PTCHD4: variants seen among roughly 807,000 people sequenced by gnomAD.
PTCHD4 encodes patched domain-containing protein 4.
PTCHD4 carries 33 observed loss-of-function variants against 58.1 expected under a neutral mutation model. That is an observed-to-expected ratio of 0.57 (90% confidence interval 0.43 to 0.76). The LOEUF is 0.76. Ranked by LOEUF, PTCHD4 falls within the 30% of genes least tolerant of loss-of-function variation. The pLI is 0.00. For synonymous variants in PTCHD4, 478 were observed against 409.6 expected (o/e 1.17, Z -2.02); for missense variants, 1,058 against 1,027.1 (o/e 1.03, Z -0.41).
chr6:47,966,316 T>C (rs1168828867), intron 4 of PTCHD4, among the ~76,000 whole-genome samples: 16 of 152,024 alleles, frequency 1.1e-4, no homozygotes, highest in Admixed American at 1.0e-3. Flanking sequence ...AAGTATGCAA[T>C]AGCATTATGT....
chr6:48,075,439 GTTT>G (rs748270040), intron 1 of PTCHD4, among the ~76,000 whole-genome samples: 2 of 136,762 alleles, frequency 1.5e-5, no homozygotes, highest in Non-Finnish European at 1.6e-5. Context: ...AGTTTTGTGG[GTTT>G]TTTTTTTTTT....
chr6:48,103,912 A>C (rs200979524), intron 1 of PTCHD4, among the ~76,000 whole-genome samples: 3 of 152,208 alleles, frequency 2.0e-5, no homozygotes, highest in African/African-American at 7.2e-5. Flanking sequence ...AAAAGAATAA[A>C]AAGAAACAAA....
At chr6:48,072,197 G>A (rs941083667) in intron 1 of PTCHD4, among the ~76,000 whole-genome samples, 9 of 152,050 alleles carry the variant, frequency 5.9e-5, no homozygotes, top group African/African-American at 1.9e-4. Context: ...GTTGGAGTCC[G>A]TAATTTGCAA....
intron 4 of PTCHD4, among the ~76,000 whole-genome samples, chr6:47,881,426 T>C (rs2114102460): frequency 6.6e-6 from 1 of 152,300 alleles, no homozygotes; most frequent in African/African-American, 2.4e-5. Context: ...TAACTGAAGG[T>C]CATCTAAGGA....
At chr6:48,038,886 C>T (rs1220741911) in intron 3 of PTCHD4, among the ~76,000 whole-genome samples, 1 of 152,082 alleles carries the variant, frequency 6.6e-6, no homozygotes, top group East Asian at 1.9e-4. Context: ...TGGACTTCGT[C>T]AAGACAACAT....
intron 4 of PTCHD4, among the ~76,000 whole-genome samples, chr6:47,989,266 T>C (rs1168751052): frequency 6.6e-6 from 1 of 152,172 alleles, no homozygotes; most frequent in Non-Finnish European, 1.5e-5. Flanking sequence ...CATTCAGTTT[T>C]ATAAGGGAAG....
intron 4 of PTCHD4, among the ~76,000 whole-genome samples, 175 bp from the exon 5 acceptor site, chr6:47,880,111 G>C (rs1763977159): frequency 1.3e-5 from 2 of 152,176 alleles, no homozygotes; most frequent in South Asian, 4.1e-4. Flanking sequence ...TTTGGTCCCT[G>C]TTTCACTTTA....
intron 1 of PTCHD4, among the ~76,000 whole-genome samples, chr6:48,103,547 C>A (rs1338857395): frequency 5.3e-5 from 8 of 152,176 alleles, no homozygotes; most frequent in African/African-American, 1.9e-4. Flanking sequence ...GAGCGCCTCT[C>A]CTCCTCCAAA....
intron 3 of PTCHD4, among the ~76,000 whole-genome samples, chr6:48,034,908 G>C (rs997006968): frequency 6.6e-6 from 1 of 152,058 alleles, no homozygotes. Context: ...TCAGGGACAG[G>C]GTGGTATCTT....
At chr6:48,094,932 T>C (rs1486129616) in intron 1 of PTCHD4, among the ~76,000 whole-genome samples, 1 of 152,178 alleles carries the variant, frequency 6.6e-6, no homozygotes, top group Non-Finnish European at 1.5e-5. Flanking sequence ...ATTCTACTTA[T>C]GTAAAACTCT....
chr6:47,888,445 C>T (rs1470178530), intron 4 of PTCHD4, among the ~76,000 whole-genome samples: 1 of 152,116 alleles, frequency 6.6e-6, no homozygotes, highest in Non-Finnish European at 1.5e-5. Flanking sequence ...CAGTCCTTAG[C>T]ACTCAGGAGG....
At chr6:48,010,828 T>C (rs1762641631) in intron 3 of PTCHD4, among the ~76,000 whole-genome samples, 1 of 151,936 alleles carries the variant, frequency 6.6e-6, no homozygotes, top group African/African-American at 2.4e-5. Context: ...ACTCCCACTT[T>C]TGAGTGAGTG....
intron 3 of PTCHD4, among the ~76,000 whole-genome samples, chr6:48,043,056 G>C (rs778818880): frequency 7.2e-5 from 11 of 152,006 alleles, no homozygotes; most frequent in Middle Eastern, 3.4e-3. Context: ...CAGTATCGGT[G>C]ACTATGTTGA....
Position 48,038,417 on chromosome 6 carries a change from A to G in PTCHD4, c.418-29303T>C, listed in dbSNP as rs895738248. On this transcript the variant is annotated intron_variant, in intron 3 of 4. Coordinates refer to ENST00000339488, the MANE Select transcript of PTCHD4 (RefSeq NM_001384253.1). ...AGCACTTTGGGAGGCCGAGGCGGGC[A>G]GATCACTTGAGGTCAGAAGTTTGAA... Among the ~76,000 whole-genome samples, 6 of 151,944 alleles carry G rather than the reference A, an allele frequency of 3.9e-5. No homozygotes were observed. The East Asian group carries it at 1.2e-3, about 29-fold the overall frequency.
chr6:48,082,299 A>G (rs1310922713), intron 1 of PTCHD4, among the ~76,000 whole-genome samples: 1 of 152,190 alleles, frequency 6.6e-6, no homozygotes, highest in African/African-American at 2.4e-5. Context: ...TCTTATAAAA[A>G]TTCATTCAAT....
intron 4 of PTCHD4, among the ~76,000 whole-genome samples, chr6:47,920,672 C>A (rs563733884): frequency 1.3e-5 from 2 of 152,216 alleles, no homozygotes; most frequent in Non-Finnish European, 2.9e-5. Flanking sequence ...CTCCACAACA[C>A]TTATAAAGAT....
At chr6:47,972,297 C>T (rs1321540269) in intron 4 of PTCHD4, among the ~76,000 whole-genome samples, 2 of 151,982 alleles carry the variant, frequency 1.3e-5, no homozygotes, top group African/African-American at 4.8e-5. Context: ...AAAGGTAGAA[C>T]TTAAATTAGG....
At chr6:48,091,128 C>T (rs555031820) in intron 1 of PTCHD4, among the ~76,000 whole-genome samples, 1 of 152,180 alleles carries the variant, frequency 6.6e-6, no homozygotes, top group South Asian at 2.1e-4. Context: ...TGTGAGGAAA[C>T]ATACAGATTA....
At chr6:47,978,563 C>T (rs1046040396) in intron 4 of PTCHD4, among the ~76,000 whole-genome samples, 3 of 152,092 alleles carry the variant, frequency 2.0e-5, no homozygotes, top group African/African-American at 7.2e-5. Context: ...CTAAGTTATA[C>T]GTTTCTAATT....
Sources: allele counts gnomAD v4.1 joint callset (sites outside exome capture counted in the v4.1 genomes callset), GRCh38; gene constraint gnomAD v4.1.1; transcripts MANE v1.5; gene names NCBI Gene and HGNC (gene_info 2026-07-23, HGNC 2026-07-21).